The following TBC1D32 variants were observed in gnomAD, a reference collection of about 807,000 sequenced individuals.
The protein encoded by TBC1D32 is protein broad-minded.
TBC1D32 carries 151 observed loss-of-function variants against 170.3 expected under a neutral mutation model. That is an observed-to-expected ratio of 0.89 (90% CI 0.78 to 1.01). The LOEUF (loss-of-function observed/expected upper bound fraction) is 1.01. Among genes scored for constraint, TBC1D32 ranks in the 50% least tolerant of loss-of-function variants. The pLI is 0.00. For synonymous variants in TBC1D32, 498 were observed against 488.0 expected (o/e 1.02, Z -0.27); for missense variants, 1,464 against 1,457.1 (o/e 1.00, Z -0.08).
rs1806114841 is a variant in TBC1D32 at position 121,299,347 on chromosome 6, T to C, written c.1140+99A>G. The C allele has an allele frequency of 3.1e-6, 4 of 1,299,660 alleles. No homozygotes were observed. The African/African-American group carries it at 6.0e-5, about 20-fold the overall frequency. 80.5% of individuals were successfully genotyped at this position (1,299,660 alleles called of 1,614,324 possible). On this transcript the variant is annotated intron_variant, in intron 10 of 31. Transcript: ENST00000398212. ...AAAGGCGAATTGCTTCATTATCCAA[T>C]ATTAATTATCACCACACAACTTTGC... is the stretch of plus-strand genomic sequence containing the variant.
At chr6:121,285,042 T>G (rs918643329) in intron 12 of TBC1D32, among the ~76,000 whole-genome samples, 1 of 152,058 alleles carries the variant, frequency 6.6e-6, no homozygotes, top group African/African-American at 2.4e-5. Flanking sequence ...CAAAACAGTA[T>G]AAAAGAGTAT....
intron 30 of TBC1D32, among the ~76,000 whole-genome samples, chr6:121,099,203 A>C (rs1777741177): frequency 6.6e-6 from 1 of 151,860 alleles, no homozygotes. Context: ...CAGGATAGTG[A>C]CTCCAAGGAA....
At chr6:121,275,176 G>C (rs1802048626) in intron 15 of TBC1D32, among the ~76,000 whole-genome samples, 1 of 152,096 alleles carries the variant, frequency 6.6e-6, no homozygotes, top group Non-Finnish European at 1.5e-5. Context: ...GGGGAAAGCA[G>C]GCAAGAGAGA....
intron 20 of TBC1D32, among the ~76,000 whole-genome samples, chr6:121,228,667 C>T (rs1795344963): frequency 6.6e-6 from 1 of 152,052 alleles, no homozygotes; most frequent in Non-Finnish European, 1.5e-5. Context: ...TTTAGCCCAA[C>T]ATGGTCTATC....
At chr6:121,285,753 G>A (rs552691974) in intron 12 of TBC1D32, among the ~76,000 whole-genome samples, 1 of 152,290 alleles carries the variant, frequency 6.6e-6, no homozygotes, top group East Asian at 1.9e-4. Context: ...GGGGCAGACT[G>A]ACACCTCACA....
intron 31 of TBC1D32, among the ~76,000 whole-genome samples, chr6:121,090,154 G>T (rs561261659): frequency 6.6e-6 from 1 of 152,002 alleles, no homozygotes; most frequent in Non-Finnish European, 1.5e-5. Context: ...GGATGGTCTC[G>T]ATCTCCTGAC....
intron 27 of TBC1D32, 90 bp downstream of exon 27, chr6:121,115,082 T>C: frequency 1.1e-6 from 1 of 925,952 alleles, no homozygotes; most frequent in East Asian, 2.8e-5. Flanking sequence ...ACAAAATAGT[T>C]GGTTGTTAAA....
chr6:121,235,245 C>T (rs1349789015), intron 20 of TBC1D32, among the ~76,000 whole-genome samples: 1 of 152,164 alleles, frequency 6.6e-6, no homozygotes, highest in Admixed American at 6.5e-5. Flanking sequence ...AGGATGCAAC[C>T]TTGCCCTAGG....
chr6:121,091,083 A>C (rs764977249), intron 30 of TBC1D32, 42 bp from the exon 31 acceptor site: 17 of 1,501,018 alleles, frequency 1.1e-5, no homozygotes, highest in Non-Finnish European at 1.4e-5. Flanking sequence ...AAAATTTATA[A>C]AACCACATTT....
chr6:121,217,307 A>G (rs1488390285), intron 21 of TBC1D32, among the ~76,000 whole-genome samples: 3 of 152,220 alleles, frequency 2.0e-5, no homozygotes, highest in Non-Finnish European at 4.4e-5. Flanking sequence ...GGCCAGCAAT[A>G]TACCTTTTCT....
chr6:121,157,469 T>C (rs1430132525), intron 24 of TBC1D32, among the ~76,000 whole-genome samples: 1 of 152,174 alleles, frequency 6.6e-6, no homozygotes, highest in African/African-American at 2.4e-5. Context: ...TGCCACTCTA[T>C]GCTTTTTAAG....
intron 23 of TBC1D32, among the ~76,000 whole-genome samples, chr6:121,160,540 A>G (rs914986706): frequency 1.3e-5 from 2 of 150,294 alleles, no homozygotes; most frequent in Non-Finnish European, 3.0e-5. Context: ...AAAAACCTTC[A>G]TGAGAAACCC....
At chr6:121,287,032 C>T (rs1803969935) in intron 12 of TBC1D32, among the ~76,000 whole-genome samples, 1 of 152,118 alleles carries the variant, frequency 6.6e-6, no homozygotes, top group African/African-American at 2.4e-5. Flanking sequence ...CAACCGGTAC[C>T]AGCCACTGCA....
At chr6:121,170,259 A>G in intron 22 of TBC1D32, 1 of 827,110 alleles carries the variant, frequency 1.2e-6, no homozygotes, top group Non-Finnish European at 1.8e-6. Context: ...TGACATTTAC[A>G]CTTTAGCTGC....
At chr6:121,202,949 T>C (rs917045670) in intron 22 of TBC1D32, among the ~76,000 whole-genome samples, 1 of 151,462 alleles carries the variant, frequency 6.6e-6, no homozygotes, top group Non-Finnish European at 1.5e-5. Context: ...CACTTAATGC[T>C]ACTGCTACAG....
At position 121,190,073 on chromosome 6, in the gene TBC1D32, GACACAC is replaced by G. The variant is rs533974518; in HGVS notation, c.2570+14996_2570+15001del. Among the ~76,000 whole-genome samples the G allele has an allele frequency of 1.0e-2, 636 of 63,694 alleles. 8 individuals are homozygous for G. The highest frequency in any genetic ancestry group is 0.029 in the East Asian group (38 of 1,310). The allele number at this position is 63,694 out of a possible 152,430, so 41.8% of individuals were successfully genotyped here. ...TCTTTCTTTCTCCTAGCCCAATACAGACACACACACACACACACACACACACACACA... is the reference window on the plus strand; with the variant it reads ...TCTTTCTTTCTCCTAGCCCAATACAGACACACACACACACACACACACACA... On this transcript the variant is annotated intron_variant, in intron 22 of 31. Transcript: ENST00000398212.
chr6:121,193,830 C>A (rs746838020), intron 22 of TBC1D32, among the ~76,000 whole-genome samples: 7 of 152,232 alleles, frequency 4.6e-5, no homozygotes, highest in Admixed American at 3.3e-4. Flanking sequence ...AGAATCACAG[C>A]GCCTCAATCA....
At chr6:121,095,000 T>C (rs1335547865) in intron 30 of TBC1D32, among the ~76,000 whole-genome samples, 1 of 152,154 alleles carries the variant, frequency 6.6e-6, no homozygotes, top group African/African-American at 2.4e-5. Flanking sequence ...AAATACATTA[T>C]TACATTTTCA....
rs1785422828 is a variant in TBC1D32, at chr6:121,160,099, T to G, written c.2684A>C (p.Asp895Ala). 1 of 1,592,650 alleles carries G rather than the reference T, an allele frequency of 6.3e-7. No individual in the cohort carries two copies. Among genetic ancestry groups the G allele is most frequent in the Non-Finnish European group, 8.6e-7 (1 of 1,163,176 alleles). ...AAACATTGGCCAAGGATATGGATTA[T>G]CACTCTAAAAAAGAAGCAAGACAGA... ...ILPPRLLEKS[D>A]NPYPWPMFSS... Residue 895 changes from aspartate (D) to alanine (A), a missense_variant, in exon 24 of 32, where the codon GAT (aspartate) becomes GCT (alanine). By Grantham distance (126) the Asp-to-Ala change is moderately radical. Transcript: ENST00000398212.
Sources: allele counts gnomAD v4.1 joint callset (sites outside exome capture counted in the v4.1 genomes callset), GRCh38; gene constraint gnomAD v4.1.1; transcripts MANE v1.5; gene names NCBI Gene and HGNC (gene_info 2026-07-23, HGNC 2026-07-21).